DHRSX: variants seen among roughly 807,000 people sequenced by gnomAD.
DHRSX encodes polyprenol dehydrogenase.
DHRSX carries 31 observed loss-of-function variants against 34.0 expected under a neutral mutation model. The observed-to-expected ratio is 0.91, with a 90% CI of 0.69 to 1.23. DHRSX has a LOEUF of 1.23. DHRSX is among the 50% of genes most tolerant of loss of function. The pLI is 0.00. For missense variants in DHRSX, 414 were observed against 428.1 expected (o/e 0.97, Z 0.29); for synonymous variants, 201 against 183.8 (o/e 1.09, Z -0.76).
chrX:2,291,894 G>GTTTTTTT (rs1162716010), intron 3 of DHRSX, among the ~76,000 whole-genome samples: 3 of 95,322 alleles, frequency 3.1e-5, no homozygotes, highest in African/African-American at 1.2e-4. Flanking sequence ...TTGTATTTTT[G>GTTTTTTT]TATTTTTTTT....
chrX:2,476,262 G>A (rs2044676694), intron 1 of DHRSX, among the ~76,000 whole-genome samples: 1 of 152,060 alleles, frequency 6.6e-6, no homozygotes, highest in African/African-American at 2.4e-5. Flanking sequence ...GCCAGGCATG[G>A]TGGCAGATGC....
intron 3 of DHRSX, among the ~76,000 whole-genome samples, chrX:2,292,862 A>G (rs1404298729): frequency 1.3e-5 from 2 of 152,094 alleles, no homozygotes; most frequent in Non-Finnish European, 2.9e-5. Context: ...TTTGTTACAC[A>G]GTATATGTAA....
rs1232466603 is a variant in DHRSX at position 2,437,694 on chromosome X, AGAGAGTGTGTGTGTGTGTGT to A, written c.110-12410_110-12391del. ...GACAGAGAGAGAGAGAGAGAGAGAG[AGAGAGTGTGTGTGTGTGTGT>A]GTGTGTGTGTGTGTGTGTGTCACAG... On this transcript the variant is annotated intron_variant, in intron 1 of 6. Transcript: ENST00000334651. 7.3e-3 allele frequency among the ~76,000 whole-genome samples: 503 copies of A among 69,304 alleles called. 3 individuals carry two copies. The highest frequency in any genetic ancestry group is 0.058 in the Middle Eastern group (10 of 172). 45.5% of individuals were successfully genotyped at this position (69,304 alleles called of 152,430 possible). A position where few individuals can be genotyped will look rare whatever the true frequency, so the allele number is the denominator to read the frequency against.
intron 1 of DHRSX, among the ~76,000 whole-genome samples, chrX:2,464,595 G>A (rs1339546609): frequency 6.6e-6 from 1 of 150,378 alleles, no homozygotes; most frequent in African/African-American, 2.5e-5. Flanking sequence ...ATGCGTCCAG[G>A]GGACAGCTGC....
At chrX:2,282,698 G>GGGAGAGAGGGAAGGAA (rs1298889948) in intron 4 of DHRSX, among the ~76,000 whole-genome samples, 1 of 144,512 alleles carries the variant, frequency 6.9e-6, no homozygotes, top group Admixed American at 6.9e-5. Context: ...GGGAGAAAGA[G>GGGAGAGAGGGAAGGAA]GGAGAGAGGG....
At chrX:2,225,417 T>G (rs186199658) in intron 6 of DHRSX, among the ~76,000 whole-genome samples, 12 of 152,256 alleles carry the variant, frequency 7.9e-5, no homozygotes, top group Admixed American at 3.3e-4. Context: ...TACATTCACA[T>G]ACTCATTCAC....
intron 1 of DHRSX, among the ~76,000 whole-genome samples, chrX:2,470,649 G>A (rs185501860): frequency 0.014 from 2,138 of 152,192 alleles, 31 homozygotes; most frequent in Non-Finnish European, 0.025. Flanking sequence ...GGAGGCTGCT[G>A]AGAGCTATGA....
chrX:2,380,404 CAT>C (rs2043189897), intron 3 of DHRSX, among the ~76,000 whole-genome samples: 1 of 134,334 alleles, frequency 7.4e-6, no homozygotes, highest in Admixed American at 7.8e-5. Flanking sequence ...ACCTTAGAAA[CAT>C]ATGATAAGGA....
chrX:2,485,666 A>G (rs868775517), intron 1 of DHRSX, among the ~76,000 whole-genome samples: 27 of 49,044 alleles, frequency 5.5e-4, no homozygotes, highest in African/African-American at 8.2e-4. Context: ...GGATGGGGGA[A>G]GGAGGGAGGG....
chrX:2,334,067 CAA>C (rs1323770076), intron 3 of DHRSX, among the ~76,000 whole-genome samples: 1 of 151,558 alleles, frequency 6.6e-6, no homozygotes, highest in Non-Finnish European at 1.5e-5. Context: ...CATTCATGTG[CAA>C]AAGTGTCTTT....
chrX:2,453,262 G>A (rs1353977725), intron 1 of DHRSX, among the ~76,000 whole-genome samples: 1 of 152,020 alleles, frequency 6.6e-6, no homozygotes, highest in African/African-American at 2.4e-5. Context: ...GGCCAAAAGC[G>A]GTGGCTCATG....
Position 2,263,862 on chromosome X carries a change from C to A in DHRSX, c.596+2878G>T, listed in dbSNP as rs148433789. Reference sequence around the variant, plus strand: ...AAACAAACTAAGATGATTATTCCCACAGAGGAATCGTTTTTATCCTTAAGG... The same window carrying A: ...AAACAAACTAAGATGATTATTCCCAAAGAGGAATCGTTTTTATCCTTAAGG... On this transcript the variant is annotated intron_variant, in intron 5 of 6. Coordinates refer to ENST00000334651, the MANE Select transcript of DHRSX (RefSeq NM_145177.3). Among the ~76,000 whole-genome samples, 786 of 152,278 alleles carry A rather than the reference C, an allele frequency of 5.2e-3. 6 individuals carry two copies. The highest frequency in any genetic ancestry group is 0.027 in the South Asian group (129 of 4,832).
chrX:2,310,744 T>C (rs918708120), intron 3 of DHRSX, among the ~76,000 whole-genome samples: 6 of 150,646 alleles, frequency 4.0e-5, no homozygotes, highest in African/African-American at 1.5e-4. Context: ...GAAAGAGAGC[T>C]TGAAAGAGAC....
intron 6 of DHRSX, among the ~76,000 whole-genome samples, chrX:2,224,570 G>T (rs746251514): frequency 2.6e-5 from 4 of 152,122 alleles, no homozygotes; most frequent in African/African-American, 9.7e-5. Flanking sequence ...ACGACGTGAT[G>T]AAGTTCTATT....
rs1305490106 is a variant in DHRSX at position 2,479,991 on chromosome X, A to C, written c.109+20826T>G. Reference sequence around the variant, plus strand: ...AACACCAAAGGAAAGAATGTTGTGCAGGATCCAGTCATCCCACCGCTTGGT... The same window carrying C: ...AACACCAAAGGAAAGAATGTTGTGCCGGATCCAGTCATCCCACCGCTTGGT... On this transcript the variant is annotated intron_variant, in intron 1 of 6. Transcript: ENST00000334651. Among the ~76,000 whole-genome samples, 3 of 152,180 alleles carry C rather than the reference A, an allele frequency of 2.0e-5. No homozygotes were observed. The East Asian group carries it at 5.8e-4, about 29-fold the overall frequency.
chrX:2,314,583 G>A (rs1341320686), intron 3 of DHRSX, among the ~76,000 whole-genome samples: 1 of 149,168 alleles, frequency 6.7e-6, no homozygotes, highest in Non-Finnish European at 1.5e-5. Flanking sequence ...CAATTTCAAG[G>A]TATGGCAAGG....
intron 3 of DHRSX, among the ~76,000 whole-genome samples, chrX:2,344,258 C>T (rs765681584): frequency 1.3e-5 from 2 of 152,216 alleles, no homozygotes; most frequent in East Asian, 1.9e-4. Flanking sequence ...CCCATCATCA[C>T]GGGTCATTAG....
chrX:2,451,485 A>G (rs998164443), intron 1 of DHRSX, among the ~76,000 whole-genome samples: 61 of 152,208 alleles, frequency 4.0e-4, no homozygotes, highest in Non-Finnish European at 4.3e-4. Flanking sequence ...CTGCAGTTCC[A>G]GAAAGCAAAT....
chrX:2,297,735 G>A (rs73628282), intron 3 of DHRSX, among the ~76,000 whole-genome samples: 12,498 of 149,258 alleles, frequency 0.084, 1,722 homozygotes, highest in African/African-American at 0.29. Context: ...ACAGGAGTGC[G>A]GAGTTTTTTT....
Sources: gnomAD v4.1 joint callset for allele counts (sites outside exome capture counted in the v4.1 genomes callset) on GRCh38, gnomAD v4.1.1 for gene constraint, MANE v1.5 for transcripts, NCBI Gene and HGNC (gene_info 2026-07-23, HGNC 2026-07-21) for gene names.